Variants in SPACA1 observed in about 807,000 individuals in gnomAD.
The protein encoded by SPACA1 is sperm acrosome associated 1.
In SPACA1, 17 loss-of-function variants were observed where a neutral mutation model predicts 32.6. The observed-to-expected ratio is 0.52, with a 90% CI of 0.36 to 0.78. The LOEUF is 0.78. Among genes scored for constraint, SPACA1 ranks in the 30% least tolerant of loss-of-function variants. The pLI is 0.01. For synonymous variants in SPACA1, 140 were observed against 138.1 expected, an observed-to-expected ratio of 1.01 and a Z score of -0.10; for missense variants, 363 against 373.4, an observed-to-expected ratio of 0.97 and a Z score of 0.23.
intron 5 of SPACA1, among the ~76,000 whole-genome samples, chr6:88,061,039 T>C (rs1775889584): frequency 1.3e-5 from 2 of 152,202 alleles, no homozygotes; most frequent in Non-Finnish European, 2.9e-5. Flanking sequence ...ACTAATTTCT[T>C]TAAACATGAC....
intron 1 of SPACA1, among the ~76,000 whole-genome samples, chr6:88,053,341 C>T (rs913113911): frequency 1.3e-5 from 2 of 152,192 alleles, no homozygotes; most frequent in East Asian, 3.8e-4. Flanking sequence ...CTATGCCAAA[C>T]TTCAAATGAT....
chr6:88,049,580 A>G (rs1274161426), intron 1 of SPACA1, among the ~76,000 whole-genome samples: 4 of 152,234 alleles, frequency 2.6e-5, no homozygotes, highest in Admixed American at 2.0e-4. Context: ...GTGGATCAGT[A>G]GAAACAGTTA....
At chr6:88,064,322 G>T in intron 6 of SPACA1, 103 bp downstream of exon 6, 1 of 1,240,534 alleles carries the variant, frequency 8.1e-7, no homozygotes, top group Non-Finnish European at 1.1e-6. Context: ...TCTCCTACAT[G>T]TTGCCTTGAA....
At chr6:88,060,992 T>C (rs1054816715) in intron 5 of SPACA1, among the ~76,000 whole-genome samples, 5 of 152,226 alleles carry the variant, frequency 3.3e-5, no homozygotes, top group African/African-American at 1.2e-4. Context: ...CGTGCACTGA[T>C]TGAATGACAA....
intron 1 of SPACA1, among the ~76,000 whole-genome samples, chr6:88,050,710 A>G (rs1775715318): frequency 6.6e-6 from 1 of 152,254 alleles, no homozygotes; most frequent in Non-Finnish European, 1.5e-5. Context: ...TTCTTTCACC[A>G]TTACATTATT....
intron 4 of SPACA1, 119 bp downstream of exon 4, chr6:88,058,941 A>C (rs980048503): frequency 1.5e-5 from 9 of 604,808 alleles, no homozygotes; most frequent in Non-Finnish European, 1.9e-5. Flanking sequence ...CGAAGTTAAG[A>C]ATTATACAAC....
chr6:88,059,561 A>G lies in SPACA1; in HGVS notation c.583A>G (p.Ile195Val), dbSNP rs1775860907. The change falls in exon 5 of 7, where the codon ATT becomes GTT. Residue 195 changes from isoleucine (I) to valine (V), a missense_variant. Ile to Val is a conservative substitution (Grantham distance 29). Transcript: ENST00000237201. ...TLDNNEIVAT[I>V]KFTVYTSSEL... is the part of the protein sequence containing the mutation. ...GGATAATAATGAAATAGTAGCAACT[A>G]TTAAATTCACAGTCTATACGAGCAG... 17 of 1,613,262 alleles carry G rather than the reference A, an allele frequency of 1.1e-5. No individual in the cohort carries two copies. The highest frequency in any genetic ancestry group is 1.4e-5 in the Non-Finnish European group (17 of 1,179,686).
chr6:88,059,270 C>T (rs190753628), intron 4 of SPACA1, among the ~76,000 whole-genome samples, 183 bp from the exon 5 acceptor site: 3 of 152,246 alleles, frequency 2.0e-5, no homozygotes, highest in Admixed American at 2.0e-4. Flanking sequence ...GTCACACAGG[C>T]AGGAAGTGGT....
intron 2 of SPACA1, 24 bp downstream of exon 2, chr6:88,054,026 T>C: frequency 1.2e-6 from 2 of 1,610,206 alleles, no homozygotes; most frequent in South Asian, 2.2e-5. Context: ...AGCAGATGAA[T>C]AAACCATGTT....
intron 6 of SPACA1, 142 bp downstream of exon 6, chr6:88,064,361 G>C: frequency 1.4e-6 from 1 of 732,490 alleles, no homozygotes. Flanking sequence ...TTACTCCTGT[G>C]ACTGCCCTAG....
intron 3 of SPACA1, 145 bp downstream of exon 3, chr6:88,057,858 TCAAA>T: frequency 1.6e-6 from 1 of 642,864 alleles, no homozygotes; most frequent in Non-Finnish European, 2.8e-6. Flanking sequence ...TTCCACTTCT[TCAAA>T]CAGTTATAGT....
chr6:88,057,274 T>C (rs533077998), intron 2 of SPACA1, among the ~76,000 whole-genome samples: 1 of 152,338 alleles, frequency 6.6e-6, no homozygotes, highest in South Asian at 2.1e-4. Context: ...GCATGTTATT[T>C]TACTAGTGTA....
chr6:88,057,804 A>C, intron 3 of SPACA1, 91 bp downstream of exon 3: 1 of 962,562 alleles, frequency 1.0e-6, no homozygotes. Context: ...GAGTAGAAGG[A>C]GGCAACCAGT....
chr6:88,051,159 A>AT (rs1166834817), intron 1 of SPACA1, among the ~76,000 whole-genome samples: 1 of 152,022 alleles, frequency 6.6e-6, no homozygotes, highest in Non-Finnish European at 1.5e-5. Flanking sequence ...AAAAAAAAAA[A>AT]GATAATAGAT....
chr6:88,048,190 C>A (rs1775673618), intron 1 of SPACA1, 77 bp downstream of exon 1: 3 of 1,400,682 alleles, frequency 2.1e-6, no homozygotes, highest in Non-Finnish European at 9.7e-7. Context: ...TGCCTGAGAA[C>A]CATAATTATG....
chr6:88,059,624 C>G (rs1400457999), intron 5 of SPACA1, 36 bp downstream of exon 5: 5 of 1,567,908 alleles, frequency 3.2e-6, no homozygotes, highest in Non-Finnish European at 4.3e-6. Context: ...TGCTTATATG[C>G]CAATCTTTAA....
upstream of SPACA1, among the ~76,000 whole-genome samples, chr6:88,047,627 G>A (rs1007994292): frequency 6.6e-6 from 1 of 152,220 alleles, no homozygotes; most frequent in African/African-American, 2.4e-5. Flanking sequence ...CCTGGGCAGG[G>A]AACTTCCGGT....
rs571616953 is a variant in SPACA1 at position 88,050,915 on chromosome 6, C to T, written c.208+2802C>T. 3.9e-5 allele frequency among the ~76,000 whole-genome samples: 6 copies of T among 152,250 alleles called. No individual in the cohort carries two copies. In the South Asian group the frequency reaches 1.2e-3, roughly 32 times the overall value. The stretch of plus-strand genomic sequence containing the variant: ...CTGTAATCCCAGTGCTTCGGAAGGC[C>T]GAGGTGGGCAGATCACAAGGTGGAG... On this transcript the variant is annotated intron_variant, in intron 1 of 6. Transcript: ENST00000237201.
chr6:88,050,999 T>C (rs756573288), intron 1 of SPACA1, among the ~76,000 whole-genome samples: 3 of 152,008 alleles, frequency 2.0e-5, no homozygotes, highest in Non-Finnish European at 4.4e-5. Context: ...TACAAAAAAT[T>C]AGCCGGGCGT....
Sources: gnomAD v4.1 joint callset for allele counts (sites outside exome capture counted in the v4.1 genomes callset) on GRCh38, gnomAD v4.1.1 for gene constraint, MANE v1.5 for transcripts, NCBI Gene and HGNC (gene_info 2026-07-23, HGNC 2026-07-21) for gene names.